Variants in CCL26 observed in about 807,000 individuals in gnomAD.
The protein encoded by CCL26 is C-C motif chemokine 26.
A neutral mutation model predicts 10.7 loss-of-function variants in CCL26; 10 were observed. The ratio of observed to expected loss-of-function variants is 0.93; its 90% CI spans 0.57 to 1.58. CCL26 has a LOEUF of 1.58. Ranked by LOEUF, CCL26 falls within the 40% of genes most tolerant of loss-of-function variation. The pLI, the probability that CCL26 is intolerant of heterozygous loss-of-function variation, is 0.00. For missense variants in CCL26, 116 were observed against 111.0 expected (o/e 1.05, Z -0.20); for synonymous variants, 43 against 41.4 (o/e 1.04, Z -0.15).
intron 1 of CCL26, among the ~76,000 whole-genome samples, chr7:75,777,785 A>C (rs1585011988): frequency 7.0e-6 from 1 of 143,496 alleles, no homozygotes; most frequent in Non-Finnish European, 1.5e-5. Context: ...GTAGGATTCC[A>C]CCTGTGTAAA....
At chr7:75,787,596 G>T (rs1236210027) in intron 1 of CCL26, among the ~76,000 whole-genome samples, 4 of 127,232 alleles carry the variant, frequency 3.1e-5, no homozygotes, top group Non-Finnish European at 6.2e-5. Context: ...AGTGAGCCGG[G>T]ATCACACCAC....
chr7:75,773,993 G>A (rs11465320), upstream of CCL26, among the ~76,000 whole-genome samples: 3,756 of 152,182 alleles, frequency 0.025, 80 homozygotes, highest in Non-Finnish European at 0.04. Flanking sequence ...TTATAGGGGA[G>A]AGCCACCACA....
intron 2 of CCL26, among the ~76,000 whole-genome samples, chr7:75,771,192 G>A (rs191676382): frequency 1.3e-5 from 2 of 152,082 alleles, no homozygotes; most frequent in East Asian, 3.9e-4. Flanking sequence ...TCAAGCGATC[G>A]TCTAAACCTC....
chr7:75,778,967 A>G (rs1282921841), intron 1 of CCL26, among the ~76,000 whole-genome samples: 2 of 152,142 alleles, frequency 1.3e-5, no homozygotes, highest in African/African-American at 2.4e-5. Flanking sequence ...CTGCACGTAT[A>G]CATCCAGATG....
intron 1 of CCL26, among the ~76,000 whole-genome samples, chr7:75,785,577 T>G (rs1402413060): frequency 6.6e-6 from 1 of 152,170 alleles, no homozygotes; most frequent in Non-Finnish European, 1.5e-5. Context: ...CTGACTGATC[T>G]CTCAAACCCC....
chr7:75,788,057 A>C (rs1448504803), intron 1 of CCL26, among the ~76,000 whole-genome samples: 1 of 152,026 alleles, frequency 6.6e-6, no homozygotes, highest in Non-Finnish European at 1.5e-5. Flanking sequence ...AGCAGCCCTG[A>C]GAAATATCGC....
At chr7:75,772,253 C>A, upstream of CCL26, 1 of 1,048,348 alleles carries the variant, frequency 9.5e-7, no homozygotes, top group Non-Finnish European at 1.4e-6. Flanking sequence ...ACTGAGACGG[C>A]CCTGAAAACA....
chr7:75,770,217 G>A (rs190178348), intron 2 of CCL26, among the ~76,000 whole-genome samples: 24 of 151,690 alleles, frequency 1.6e-4, no homozygotes, highest in African/African-American at 4.6e-4. Context: ...TTATAGGCAC[G>A]CATCAGCACA....
chr7:75,781,536 T>A (rs1423269227), intron 1 of CCL26, among the ~76,000 whole-genome samples: 1 of 152,198 alleles, frequency 6.6e-6, no homozygotes, highest in African/African-American at 2.4e-5. Context: ...TCTAACTCAC[T>A]GTCAGGGCTC....
intron 1 of CCL26, among the ~76,000 whole-genome samples, chr7:75,784,924 C>T (rs975954055): frequency 3.3e-5 from 5 of 152,184 alleles, no homozygotes; most frequent in African/African-American, 2.4e-5. Flanking sequence ...TCCCATCTCA[C>T]AGCATGCTTT....
chr7:75,778,918 G>C (rs1803001444), intron 1 of CCL26, among the ~76,000 whole-genome samples: 1 of 152,048 alleles, frequency 6.6e-6, no homozygotes, highest in Non-Finnish European at 1.5e-5. Context: ...CCATTGTCAG[G>C]CCTCTGAGCC....
intron 1 of CCL26, among the ~76,000 whole-genome samples, chr7:75,788,354 A>G (rs567954809): frequency 6.6e-6 from 1 of 152,128 alleles, no homozygotes; most frequent in East Asian, 1.9e-4. Flanking sequence ...CCCACTGAGC[A>G]CCTTGTGTCC....
upstream of CCL26, among the ~76,000 whole-genome samples, chr7:75,790,663 G>A (rs1057142187): frequency 6.6e-6 from 1 of 152,106 alleles, no homozygotes; most frequent in Non-Finnish European, 1.5e-5. Flanking sequence ...AACATTTGAG[G>A]CTGGACATGG....
chr7:75,785,970 C>T (rs1803176658), intron 1 of CCL26, among the ~76,000 whole-genome samples: 1 of 152,210 alleles, frequency 6.6e-6, no homozygotes, highest in Non-Finnish European at 1.5e-5. Flanking sequence ...CACCCTAATA[C>T]TTTTAGAGGC....
intron 1 of CCL26, among the ~76,000 whole-genome samples, chr7:75,784,358 T>C (rs111902219): frequency 6.6e-6 from 1 of 152,334 alleles, no homozygotes; most frequent in African/African-American, 2.4e-5. Flanking sequence ...CAAGGCTCTC[T>C]GACTGACTCC....
chr7:75,775,869 C>T (rs1554528645), upstream of CCL26, among the ~76,000 whole-genome samples: 3 of 151,680 alleles, frequency 2.0e-5, no homozygotes, highest in Admixed American at 1.3e-4. Context: ...GACTGAGTCT[C>T]ATTCTGTCAC....
At chr7:75,789,461 C>CTTTTTTTT (rs35341116) in intron 1 of CCL26, among the ~76,000 whole-genome samples, 156 of 122,980 alleles carry the variant, frequency 1.3e-3, no homozygotes, top group African/African-American at 4.6e-3. Flanking sequence ...CTCTTTTTCT[C>CTTTTTTTT]TTTTTTTTTT....
In CCL26 at chr7:75,769,798, AAG is replaced by A; in HGVS notation, c.189-11_189-10del. The A allele has an allele frequency of 2.6e-6, 4 of 1,549,560 alleles. No homozygotes were observed. Among genetic ancestry groups the A allele is most frequent in the Non-Finnish European group, 3.6e-6 (4 of 1,121,162 alleles). On this transcript the variant is annotated splice_polypyrimidine_tract_variant and intron_variant, in intron 2 of 2. Coordinates refer to ENST00000005180, the MANE Select transcript of CCL26 (RefSeq NM_001371938.1). Reference sequence around the variant, plus strand: ...CTCTTTTGGTAGTGAATCTGTGAAAAAGAGACACGGATAAGTCAATATTGAGA... The same window carrying A: ...CTCTTTTGGTAGTGAATCTGTGAAAAAGACACGGATAAGTCAATATTGAGA...
chr7:75,771,876 G>A lies in CCL26; in HGVS notation c.188+13C>T, dbSNP rs782623497. ...TGATGGGGCCCCAGAAAGTACGTCCGAGAAATACTCACATCACAGCCCGCT... is the reference window on the plus strand; with the variant it reads ...TGATGGGGCCCCAGAAAGTACGTCCAAGAAATACTCACATCACAGCCCGCT... On this transcript the variant is annotated intron_variant, in intron 2 of 2. Coordinates refer to ENST00000005180, the MANE Select transcript of CCL26 (RefSeq NM_001371938.1). 19 of 1,586,112 alleles carry A rather than the reference G, an allele frequency of 1.2e-5. No individual in the cohort carries two copies. The highest frequency in any genetic ancestry group is 5.0e-5 in the Admixed American group (3 of 59,952).
Sources: gnomAD v4.1 joint callset for allele counts (sites outside exome capture counted in the v4.1 genomes callset) on GRCh38, gnomAD v4.1.1 for gene constraint, MANE v1.5 for transcripts, NCBI Gene and HGNC (gene_info 2026-07-23, HGNC 2026-07-21) for gene names.